Variants in GRIK2 observed in about 807,000 individuals in gnomAD.
GRIK2 encodes glutamate ionotropic receptor kainate type subunit 2, also known as glutamate receptor ionotropic, kainate 2.
A neutral mutation model predicts 100.3 loss-of-function variants in GRIK2; 32 were observed. The ratio of observed to expected loss-of-function variants is 0.32; its 90% CI spans 0.24 to 0.43. The LOEUF (loss-of-function observed/expected upper bound fraction) is 0.43, where lower values mean the gene tolerates loss of function less well. Among genes scored for constraint, GRIK2 ranks in the 20% least tolerant of loss-of-function variants. GRIK2 has a pLI of 1.00. For missense variants in GRIK2, 843 were observed against 1,114.9 expected (o/e 0.76, Z 3.47); for synonymous variants, 417 against 389.4 (o/e 1.07, Z -0.83).
chr6:101,690,129 A>G (rs537695918), intron 7 of GRIK2, among the ~76,000 whole-genome samples: 1 of 152,278 alleles, frequency 6.6e-6, no homozygotes, highest in East Asian at 1.9e-4. Flanking sequence ...GTCTAGCTAT[A>G]TCCCAGAAAT....
intron 3 of GRIK2, among the ~76,000 whole-genome samples, chr6:101,626,119 T>C (rs938762044): frequency 2.6e-5 from 4 of 152,150 alleles, no homozygotes; most frequent in Non-Finnish European, 5.9e-5. Context: ...ATCCTCTCTC[T>C]CCTTGCCTGT....
intron 7 of GRIK2, among the ~76,000 whole-genome samples, chr6:101,787,328 T>G (rs189390110): frequency 6.6e-6 from 1 of 152,110 alleles, no homozygotes; most frequent in East Asian, 1.9e-4. Flanking sequence ...ATCTTTATTA[T>G]TTTTTTCTTC....
At chr6:101,960,048 G>GGT (rs1554293032) in intron 14 of GRIK2, among the ~76,000 whole-genome samples, 1 of 118,266 alleles carries the variant, frequency 8.5e-6, no homozygotes, top group South Asian at 2.7e-4. Flanking sequence ...TTTTTTTAGT[G>GGT]TTTTGTTTTT....
chr6:101,940,748 G>GT (rs1790905991), intron 14 of GRIK2, among the ~76,000 whole-genome samples: 1 of 152,066 alleles, frequency 6.6e-6, no homozygotes, highest in African/African-American at 2.4e-5. Context: ...ATTTTACTAT[G>GT]TAAGGCTAAG....
chr6:101,793,201 C>G (rs966910874), intron 7 of GRIK2, among the ~76,000 whole-genome samples: 1 of 152,238 alleles, frequency 6.6e-6, no homozygotes, highest in Admixed American at 6.5e-5. Context: ...GCCTTCTTCT[C>G]TCAACTTGTC....
At chr6:101,963,762 T>C (rs928963549) in intron 14 of GRIK2, among the ~76,000 whole-genome samples, 1 of 152,088 alleles carries the variant, frequency 6.6e-6, no homozygotes, top group Non-Finnish European at 1.5e-5. Flanking sequence ...AACCCAACCA[T>C]ACATCATTAT....
chr6:101,821,098 G>A (rs756879996), intron 10 of GRIK2, among the ~76,000 whole-genome samples: 1 of 152,062 alleles, frequency 6.6e-6, no homozygotes, highest in South Asian at 2.1e-4. Context: ...GAAATTAGAC[G>A]AAGTACAGAA....
At chr6:101,829,108 A>G (rs1782514651) in intron 10 of GRIK2, among the ~76,000 whole-genome samples, 1 of 152,116 alleles carries the variant, frequency 6.6e-6, no homozygotes, top group Non-Finnish European at 1.5e-5. Context: ...ATGGTTCAAC[A>G]TATGCAAATA....
intron 14 of GRIK2, among the ~76,000 whole-genome samples, chr6:102,033,295 G>C (rs572481555): frequency 7.9e-5 from 12 of 150,980 alleles, no homozygotes; most frequent in Non-Finnish European, 1.5e-4. Context: ...CAGACATAAG[G>C]CTGACTGGTC....
intron 4 of GRIK2, among the ~76,000 whole-genome samples, chr6:101,627,993 C>T (rs926929163): frequency 3.3e-5 from 5 of 152,094 alleles, no homozygotes; most frequent in Admixed American, 2.0e-4. Flanking sequence ...ATTAATTTTA[C>T]TTTAAGATGT....
At chr6:101,634,599 G>A (rs1385985980) in intron 4 of GRIK2, among the ~76,000 whole-genome samples, 2 of 151,976 alleles carry the variant, frequency 1.3e-5, no homozygotes, top group Non-Finnish European at 1.5e-5. Flanking sequence ...AAAAAACAAT[G>A]AAATAAAAAT....
At chr6:101,921,088 A>G (rs1789461627) in intron 12 of GRIK2, among the ~76,000 whole-genome samples, 1 of 152,010 alleles carries the variant, frequency 6.6e-6, no homozygotes, top group Non-Finnish European at 1.5e-5. Flanking sequence ...GACATTCTAG[A>G]AGTTTACCGA....
At chr6:101,991,653 T>G (rs530427963) in intron 14 of GRIK2, among the ~76,000 whole-genome samples, 1 of 151,498 alleles carries the variant, frequency 6.6e-6, no homozygotes, top group East Asian at 1.9e-4. Flanking sequence ...ATGCCTAATC[T>G]ATTATCTGTG....
At chr6:101,568,829 T>C (rs1349174548) in intron 2 of GRIK2, among the ~76,000 whole-genome samples, 2 of 152,118 alleles carry the variant, frequency 1.3e-5, no homozygotes, top group East Asian at 3.8e-4. Flanking sequence ...ATAACGAGTC[T>C]ATCCAGTCAC....
chr6:101,428,188 A>C (rs6914311), intron 2 of GRIK2, among the ~76,000 whole-genome samples: 78,295 of 152,112 alleles, frequency 0.51, 20,716 homozygotes, highest in East Asian at 0.87. Flanking sequence ...ACACGTTAAA[A>C]ATAAAACAAA....
At chr6:101,398,865 G>A (rs1255889512) in intron 1 of GRIK2, 120 bp from the exon 2 acceptor site, 6 of 421,364 alleles carry the variant, frequency 1.4e-5, no homozygotes, top group African/African-American at 6.1e-5. Context: ...GTAGAATAGG[G>A]CCTGGCAAAA....
chr6:102,026,501 A>G (rs1769712082), intron 14 of GRIK2, among the ~76,000 whole-genome samples: 2 of 151,302 alleles, frequency 1.3e-5, no homozygotes, highest in South Asian at 4.1e-4. Flanking sequence ...AAAATATTTG[A>G]TCAGGAAAGT....
chr6:101,604,905 A>G (rs915317033), intron 2 of GRIK2, among the ~76,000 whole-genome samples: 1 of 151,944 alleles, frequency 6.6e-6, no homozygotes, highest in Admixed American at 6.6e-5. Context: ...TTCAAATTTA[A>G]AATAGGTGTA....
At chr6:101,416,724 A>G (rs1776155947) in intron 2 of GRIK2, among the ~76,000 whole-genome samples, 1 of 152,174 alleles carries the variant, frequency 6.6e-6, no homozygotes, top group Non-Finnish European at 1.5e-5. Flanking sequence ...TTTTAATTAT[A>G]GATCATATTT....
Sources: allele counts gnomAD v4.1 joint callset (sites outside exome capture counted in the v4.1 genomes callset), GRCh38; gene constraint gnomAD v4.1.1; transcripts MANE v1.5; gene names NCBI Gene and HGNC (gene_info 2026-07-23, HGNC 2026-07-21).